The following CACNA2D3 variants were observed in gnomAD, a reference collection of about 807,000 sequenced individuals.
CACNA2D3 encodes the protein voltage-dependent calcium channel subunit alpha-2/delta-3.
Under a neutral mutation model 160.6 loss-of-function variants are expected in CACNA2D3, and 60 were observed. The observed-to-expected ratio is 0.37, with a 90% confidence interval of 0.30 to 0.46. CACNA2D3 has a LOEUF of 0.46. Among genes scored for constraint, CACNA2D3 ranks in the 20% least tolerant of loss-of-function variants. The pLI, the probability that CACNA2D3 is intolerant of heterozygous loss-of-function variation, is 1.00. For synonymous variants in CACNA2D3, 558 were observed against 492.9 expected, an observed-to-expected ratio of 1.13 and a Z score of -1.75; for missense variants, 1,205 against 1,365.0, an observed-to-expected ratio of 0.88 and a Z score of 1.85.
chr3:54,146,932 G>A (rs918260974), intron 2 of CACNA2D3, among the ~76,000 whole-genome samples: 5 of 152,260 alleles, frequency 3.3e-5, no homozygotes, highest in South Asian at 2.1e-4. Context: ...ACAGATGTCC[G>A]GGCCAAGGCT....
At chr3:54,496,281 A>G (rs1315983467) in intron 4 of CACNA2D3, among the ~76,000 whole-genome samples, 1 of 152,176 alleles carries the variant, frequency 6.6e-6, no homozygotes, top group Non-Finnish European at 1.5e-5. Context: ...AATATATGAG[A>G]TATTTGATTG....
At chr3:54,848,153 C>G (rs1313444224) in intron 17 of CACNA2D3, among the ~76,000 whole-genome samples, 1 of 152,176 alleles carries the variant, frequency 6.6e-6, no homozygotes, top group Admixed American at 6.5e-5. Context: ...GCCTAGCAGT[C>G]TTTTATGTCT....
chr3:54,886,988 T>C (rs1699942624), intron 23 of CACNA2D3, among the ~76,000 whole-genome samples: 2 of 146,866 alleles, frequency 1.4e-5, no homozygotes, highest in Admixed American at 6.8e-5. Context: ...TCCCATGTGA[T>C]AATTAGTTAT....
rs144500985 is a variant in CACNA2D3 at position 54,205,533 on chromosome 3, A to C, written c.204+81939A>C. ...GTTTACATTATTGAATGTTTTGAAA[A>C]TTATGATAACTCTGTTGGGGAGATG... On this transcript the variant is annotated intron_variant, in intron 2 of 37. Transcript: ENST00000474759. Among the ~76,000 whole-genome samples the C allele has an allele frequency of 6.7e-3, 1,017 of 152,340 alleles. 17 individuals are homozygous for C. The highest frequency in any genetic ancestry group is 0.023 in the African/African-American group (974 of 41,562).
chr3:54,268,377 C>T (rs1184419284), intron 2 of CACNA2D3, among the ~76,000 whole-genome samples: 1 of 152,096 alleles, frequency 6.6e-6, no homozygotes, highest in African/African-American at 2.4e-5. Flanking sequence ...CTCACTAAGG[C>T]TCTGTGAATT....
At position 54,563,974 on chromosome 3, in the gene CACNA2D3, T is replaced by C. The variant is rs1369505686; in HGVS notation, c.676+1043T>C. Among the ~76,000 whole-genome samples the C allele has an allele frequency of 2.6e-5, 4 of 152,282 alleles. No homozygotes were observed. In the East Asian group the frequency reaches 5.8e-4, roughly 22 times the overall value. Reference sequence around the variant, plus strand: ...TGCTTCCTCCCGGAGCTCACAGAAATGTAAACAATAAGCATCCTATTAAAG... The same window carrying C: ...TGCTTCCTCCCGGAGCTCACAGAAACGTAAACAATAAGCATCCTATTAAAG... On this transcript the variant is annotated intron_variant, in intron 6 of 37. Coordinates refer to ENST00000474759, the MANE Select transcript of CACNA2D3 (RefSeq NM_018398.3).
chr3:54,124,896 G>A (rs1576942124), intron 2 of CACNA2D3, among the ~76,000 whole-genome samples: 1 of 151,862 alleles, frequency 6.6e-6, no homozygotes, highest in South Asian at 2.1e-4. Flanking sequence ...ACATACCTGT[G>A]GCCCACCTCG....
At chr3:54,564,738 A>T (rs1702382078) in intron 6 of CACNA2D3, among the ~76,000 whole-genome samples, 1 of 152,152 alleles carries the variant, frequency 6.6e-6, no homozygotes. Context: ...CATGAACTAG[A>T]CAAAAGAGGT....
At chr3:54,547,544 C>A (rs1328059751) in intron 5 of CACNA2D3, among the ~76,000 whole-genome samples, 1 of 152,024 alleles carries the variant, frequency 6.6e-6, no homozygotes, top group Admixed American at 6.6e-5. Context: ...GCTAGAAATG[C>A]CCTTTGTTAC....
intron 8 of CACNA2D3, among the ~76,000 whole-genome samples, chr3:54,570,558 T>G (rs1702479649): frequency 6.6e-6 from 1 of 152,188 alleles, no homozygotes; most frequent in Non-Finnish European, 1.5e-5. Flanking sequence ...GAGAGCACTT[T>G]ATGGCTCACA....
At chr3:54,543,582 C>T (rs1270447711) in intron 5 of CACNA2D3, among the ~76,000 whole-genome samples, 2 of 152,252 alleles carry the variant, frequency 1.3e-5, no homozygotes, top group African/African-American at 4.8e-5. Context: ...TTCCACTCTC[C>T]TGCCATGTCG....
rs192401103 is a variant in CACNA2D3 at position 55,054,385 on chromosome 3, C to T, written c.2988-19060C>T. ...TGAATAATTTCTATTGACCTGACTTCAGGTATACTGATCCTATCTTCTGTT... is the reference window on the plus strand; with the variant it reads ...TGAATAATTTCTATTGACCTGACTTTAGGTATACTGATCCTATCTTCTGTT... On this transcript the variant is annotated intron_variant, in intron 35 of 37. Transcript: ENST00000474759. 3.4e-3 allele frequency among the ~76,000 whole-genome samples: 524 copies of T among 151,904 alleles called. 8 individuals are homozygous for T. The highest frequency in any genetic ancestry group is 0.034 in the Middle Eastern group (10 of 294).
At chr3:54,954,133 A>G (rs1701824406) in intron 27 of CACNA2D3, among the ~76,000 whole-genome samples, 1 of 152,118 alleles carries the variant, frequency 6.6e-6, no homozygotes, top group African/African-American at 2.4e-5. Flanking sequence ...GGGTTATTTA[A>G]TCATGTCATC....
chr3:54,855,351 T>A (rs745467061), intron 17 of CACNA2D3, among the ~76,000 whole-genome samples: 1 of 152,174 alleles, frequency 6.6e-6, no homozygotes, highest in Non-Finnish European at 1.5e-5. Context: ...TGCGCCCCAC[T>A]GTTTCTAACT....
At chr3:54,228,224 C>A (rs1701708900) in intron 2 of CACNA2D3, among the ~76,000 whole-genome samples, 2 of 152,250 alleles carry the variant, frequency 1.3e-5, no homozygotes, top group African/African-American at 4.8e-5. Flanking sequence ...GAGGGCTGTT[C>A]AAAGGTTCAG....
chr3:54,650,379 T>A (rs1317185906), intron 11 of CACNA2D3, among the ~76,000 whole-genome samples: 1 of 151,978 alleles, frequency 6.6e-6, no homozygotes, highest in Non-Finnish European at 1.5e-5. Context: ...TTCTTTATTT[T>A]TAAACAGAGT....
intron 35 of CACNA2D3, among the ~76,000 whole-genome samples, chr3:55,037,010 C>A (rs981205279): frequency 3.0e-5 from 4 of 133,162 alleles, no homozygotes; most frequent in Non-Finnish European, 6.3e-5. Flanking sequence ...GCCAGGTTTC[C>A]CAGGTGATTC....
intron 6 of CACNA2D3, among the ~76,000 whole-genome samples, chr3:54,564,010 A>C (rs1702368946): frequency 6.6e-6 from 1 of 152,232 alleles, no homozygotes; most frequent in Non-Finnish European, 1.5e-5. Flanking sequence ...ATAATGCCAT[A>C]ATAAACAGTG....
chr3:55,054,118 C>A lies in CACNA2D3; in HGVS notation c.2988-19327C>A, dbSNP rs145222955. 5.9e-3 allele frequency among the ~76,000 whole-genome samples: 888 copies of A among 151,630 alleles called. 5 individuals carry two copies. The highest frequency in any genetic ancestry group is 0.021 in the African/African-American group (849 of 41,396). On this transcript the variant is annotated intron_variant, in intron 35 of 37. Coordinates refer to ENST00000474759, the MANE Select transcript of CACNA2D3 (RefSeq NM_018398.3). ...ACATCTTTAATTGCTCATGTTCTATCTTCAAATAATATTAAATTGCTTCAG... is the reference window on the plus strand; with the variant it reads ...ACATCTTTAATTGCTCATGTTCTATATTCAAATAATATTAAATTGCTTCAG...
Sources: allele counts gnomAD v4.1 joint callset (sites outside exome capture counted in the v4.1 genomes callset), GRCh38; gene constraint gnomAD v4.1.1; transcripts MANE v1.5; gene names NCBI Gene and HGNC (gene_info 2026-07-23, HGNC 2026-07-21).